DOCK4: variants seen among roughly 807,000 people sequenced by gnomAD.
The protein encoded by DOCK4 is dedicator of cytokinesis 4.
DOCK4 carries 97 observed loss-of-function variants against 268.1 expected under a neutral mutation model. The ratio of observed to expected loss-of-function variants is 0.36; its 90% confidence interval spans 0.31 to 0.43. The LOEUF (loss-of-function observed/expected upper bound fraction) is 0.43. Ranked by LOEUF, DOCK4 falls within the 20% of genes least tolerant of loss-of-function variation. The pLI, the probability that DOCK4 is intolerant of heterozygous loss-of-function variation, is 1.00. For synonymous variants in DOCK4, 954 were observed against 887.2 expected (o/e 1.08, Z -1.34); for missense variants, 2,145 against 2,455.7 (o/e 0.87, Z 2.67).
At chr7:112,098,231 T>G (rs993140292) in intron 1 of DOCK4, among the ~76,000 whole-genome samples, 17 of 152,132 alleles carry the variant, frequency 1.1e-4, no homozygotes, top group South Asian at 4.1e-4. Flanking sequence ...CAGGCTGGAG[T>G]GCAGTGGTGC....
At chr7:112,170,464 A>G (rs1817993794) in intron 1 of DOCK4, among the ~76,000 whole-genome samples, 1 of 152,030 alleles carries the variant, frequency 6.6e-6, no homozygotes, top group South Asian at 2.1e-4. Flanking sequence ...CCGTCTTAAA[A>G]AAAAACCAGA....
At chr7:111,829,850 G>C (rs1004024655) in intron 26 of DOCK4, among the ~76,000 whole-genome samples, 24 of 152,158 alleles carry the variant, frequency 1.6e-4, no homozygotes, top group African/African-American at 5.1e-4. Context: ...TAATCCACTT[G>C]GCAGCAAAAC....
chr7:111,908,499 C>G (rs1434130233), intron 13 of DOCK4, among the ~76,000 whole-genome samples: 1 of 138,422 alleles, frequency 7.2e-6, no homozygotes, highest in East Asian at 1.9e-4. Flanking sequence ...GCTTACTTCT[C>G]TTTTTGTCAA....
intron 1 of DOCK4, among the ~76,000 whole-genome samples, chr7:112,028,293 G>T (rs988853601): frequency 6.6e-6 from 1 of 152,070 alleles, no homozygotes; most frequent in Non-Finnish European, 1.5e-5. Flanking sequence ...GAATCTAATC[G>T]GTAAAAGCAA....
chr7:111,935,711 T>C (rs1794689412), intron 11 of DOCK4, 83 bp from the exon 12 acceptor site: 2 of 1,199,718 alleles, frequency 1.7e-6, no homozygotes, highest in South Asian at 2.6e-5. Context: ...GCCCTTTTCG[T>C]TATAACCACT....
rs550590672 is a variant in DOCK4, at chr7:112,114,885, A to G, written c.37+91217T>C. On this transcript the variant is annotated intron_variant, in intron 1 of 52. Coordinates refer to ENST00000428084, the MANE Select transcript of DOCK4 (RefSeq NM_001363540.2). ...TCAAATCCAAAGTAAAAAGGCGGACAACATCTTACAATTATCATGAAAATA... is the reference window on the plus strand; with the variant it reads ...TCAAATCCAAAGTAAAAAGGCGGACGACATCTTACAATTATCATGAAAATA... Among the ~76,000 whole-genome samples, 4 of 152,332 alleles carry G rather than the reference A, an allele frequency of 2.6e-5. No homozygotes were observed. In the South Asian group the frequency reaches 8.3e-4, roughly 32 times the overall value.
intron 41 of DOCK4, among the ~76,000 whole-genome samples, chr7:111,757,381 T>C (rs1797095251): frequency 6.6e-6 from 1 of 152,174 alleles, no homozygotes; most frequent in African/African-American, 2.4e-5. Context: ...AGAAGGTGAC[T>C]TTGAACAAGT....
intron 1 of DOCK4, among the ~76,000 whole-genome samples, chr7:112,034,457 G>A (rs1344631215): frequency 6.6e-6 from 1 of 152,114 alleles, no homozygotes; most frequent in African/African-American, 2.4e-5. Flanking sequence ...AAGTTGAATT[G>A]GAATTGAAAG....
intron 23 of DOCK4, 24 bp downstream of exon 23, chr7:111,863,348 T>C: frequency 6.2e-7 from 1 of 1,613,846 alleles, no homozygotes; most frequent in East Asian, 2.2e-5. Flanking sequence ...AGAGGCACAA[T>C]TTCCTCCAAG....
intron 24 of DOCK4, 96 bp downstream of exon 24, chr7:111,846,903 G>C (rs1274073220): frequency 1.4e-6 from 2 of 1,380,804 alleles, no homozygotes; most frequent in Non-Finnish European, 9.6e-7. Context: ...GGTCTCAGAG[G>C]CTTCCTCTTT....
chr7:111,989,073 G>A lies in DOCK4; in HGVS notation c.406C>T (p.His136Tyr), dbSNP rs1373706999. The change falls in exon 6 of 53, where the codon CAC becomes TAC. Residue 136 changes from histidine to tyrosine, a missense_variant. By Grantham distance (83) the His-to-Tyr change is moderately conservative (BLOSUM62 2). Transcript: ENST00000428084. ...RRQVLVGHLT[H>Y]DRMKDVKRHI... ...CGCTTCACGTCCTTCATCCGGTCGT[G>A]GGTGAGGTGGCCCACCAGCACCTGC... The A allele has an allele frequency of 1.2e-6, 2 of 1,613,840 alleles. No homozygotes were observed. Among genetic ancestry groups the A allele is most frequent in the African/African-American group, 2.7e-5 (2 of 74,922 alleles).
chr7:111,995,094 C>T (rs904135585), intron 4 of DOCK4, among the ~76,000 whole-genome samples: 14 of 151,160 alleles, frequency 9.3e-5, no homozygotes, highest in African/African-American at 2.4e-4. Context: ...TGCAGTGGCG[C>T]GATCTCGGCT....
intron 8 of DOCK4, among the ~76,000 whole-genome samples, chr7:111,961,745 G>C (rs117893879): frequency 0.012 from 1,860 of 152,280 alleles, 10 homozygotes; most frequent in Non-Finnish European, 0.019. Context: ...TTCCTCTTAA[G>C]TTTTGTCAAG....
chr7:111,735,200 G>GTGTTT (rs1465108601), intron 50 of DOCK4, 33 bp from the exon 51 acceptor site: 2 of 1,419,258 alleles, frequency 1.4e-6, no homozygotes, highest in East Asian at 5.0e-5. Context: ...AAAACACACG[G>GTGTTT]TCCAGCTTTG....
At chr7:112,116,639 T>C (rs1451933094) in intron 1 of DOCK4, among the ~76,000 whole-genome samples, 1 of 152,236 alleles carries the variant, frequency 6.6e-6, no homozygotes, top group Non-Finnish European at 1.5e-5. Context: ...TTATAACATA[T>C]TCATAACCAA....
At chr7:111,833,431 C>A (rs1802997468) in intron 26 of DOCK4, among the ~76,000 whole-genome samples, 1 of 151,854 alleles carries the variant, frequency 6.6e-6, no homozygotes, top group South Asian at 2.1e-4. Flanking sequence ...GTAGTCACAG[C>A]TACTTGGGAA....
At chr7:111,839,852 T>C (rs1313680476) in intron 25 of DOCK4, among the ~76,000 whole-genome samples, 1 of 152,192 alleles carries the variant, frequency 6.6e-6, no homozygotes, top group Admixed American at 6.5e-5. Flanking sequence ...CCATAGGTTT[T>C]TGGGGAAACA....
At chr7:111,740,550 T>C (rs773005298) in intron 47 of DOCK4, among the ~76,000 whole-genome samples, 3 of 149,586 alleles carry the variant, frequency 2.0e-5, no homozygotes, top group South Asian at 2.1e-4. Context: ...CTGGCCAACA[T>C]AGTGAAACCC....
intron 12 of DOCK4, among the ~76,000 whole-genome samples, chr7:111,920,894 T>A (rs1197051623): frequency 6.6e-6 from 1 of 152,068 alleles, no homozygotes; most frequent in African/African-American, 2.4e-5. Flanking sequence ...GCTTAGGAAA[T>A]TTTTTATTGG....
Sources: allele counts gnomAD v4.1 joint callset (sites outside exome capture counted in the v4.1 genomes callset), GRCh38; gene constraint gnomAD v4.1.1; transcripts MANE v1.5; gene names NCBI Gene and HGNC (gene_info 2026-07-23, HGNC 2026-07-21).